AK7: variants seen among roughly 807,000 people sequenced by gnomAD.
AK7 encodes the protein ATP-AMP transphosphorylase 7.
A neutral mutation model predicts 96.6 loss-of-function variants in AK7; 78 were observed. The ratio of observed to expected loss-of-function variants is 0.81; its 90% CI spans 0.67 to 0.97. The LOEUF (loss-of-function observed/expected upper bound fraction) is 0.97, where lower values mean the gene tolerates loss of function less well. Ranked by LOEUF, AK7 falls within the 50% of genes least tolerant of loss-of-function variation. The pLI, the probability that AK7 is intolerant of heterozygous loss-of-function variation, is 0.00. For synonymous variants in AK7, 302 were observed against 317.2 expected, an observed-to-expected ratio of 0.95 and a Z score of 0.51; for missense variants, 855 against 887.9, an observed-to-expected ratio of 0.96 and a Z score of 0.47.
At chr14:96,435,780 C>T (rs1892604293) in intron 5 of AK7, among the ~76,000 whole-genome samples, 1 of 152,180 alleles carries the variant, frequency 6.6e-6, no homozygotes, top group African/African-American at 2.4e-5. Context: ...GCTGGGCTGG[C>T]ATCAGCTGAA....
intron 7 of AK7, among the ~76,000 whole-genome samples, chr14:96,444,367 C>T (rs145885123): frequency 6.6e-6 from 1 of 152,056 alleles, no homozygotes; most frequent in African/African-American, 2.4e-5. Flanking sequence ...TAACATATTA[C>T]GTCCAAACAT....
chr14:96,441,106 T>C (rs1488087409), intron 6 of AK7, among the ~76,000 whole-genome samples: 4 of 152,188 alleles, frequency 2.6e-5, no homozygotes, highest in East Asian at 3.9e-4. Context: ...TAGTCACTTA[T>C]GCATTTATCT....
At chr14:96,443,909 G>A (rs1444124866) in intron 7 of AK7, among the ~76,000 whole-genome samples, 1 of 151,636 alleles carries the variant, frequency 6.6e-6, no homozygotes, top group Non-Finnish European at 1.5e-5. Context: ...AAGTAGCTGG[G>A]ACTACAGGCA....
chr14:96,451,026 G>C (rs1294026032), intron 9 of AK7, among the ~76,000 whole-genome samples: 1 of 148,748 alleles, frequency 6.7e-6, no homozygotes, highest in African/African-American at 2.6e-5. Flanking sequence ...TGCCCGCCTT[G>C]GTCTCCCAAA....
intron 7 of AK7, among the ~76,000 whole-genome samples, chr14:96,444,938 G>A (rs1475852747): frequency 2.0e-5 from 3 of 152,082 alleles, no homozygotes; most frequent in African/African-American, 4.8e-5. Flanking sequence ...GGCTGGTCTC[G>A]AACTCCTGAT....
At chr14:96,402,757 A>G (rs1471913745) in intron 2 of AK7, among the ~76,000 whole-genome samples, 1 of 151,790 alleles carries the variant, frequency 6.6e-6, no homozygotes, top group Non-Finnish European at 1.5e-5. Flanking sequence ...CCCAAGAGAT[A>G]TATTGAAATC....
chr14:96,422,352 G>A (rs746758401), intron 5 of AK7, among the ~76,000 whole-genome samples: 1 of 152,186 alleles, frequency 6.6e-6, no homozygotes, highest in African/African-American at 2.4e-5. Context: ...GCCAAAGCTG[G>A]TTACAAACAA....
intron 17 of AK7, among the ~76,000 whole-genome samples, 184 bp downstream of exon 17, chr14:96,487,240 C>A: frequency 6.7e-6 from 1 of 149,106 alleles, no homozygotes; most frequent in Non-Finnish European, 1.5e-5. Context: ...AAAAAATTAG[C>A]TGGGTGTGGT....
Position 96,487,104 on chromosome 14 carries a change from G to A in AK7, c.2133+48G>A, listed in dbSNP as rs780049570. ...AAAGATCAATTTGAGTTTGGGTGTGGCGGCTTACACCTGTAATCCCAGCAC... is the reference window on the plus strand; with the variant it reads ...AAAGATCAATTTGAGTTTGGGTGTGACGGCTTACACCTGTAATCCCAGCAC... On this transcript the variant is annotated intron_variant, in intron 17 of 17. Transcript: ENST00000267584. 11 of 1,595,774 alleles carry A rather than the reference G, an allele frequency of 6.9e-6. No individual in the cohort carries two copies. The Admixed American group carries it at 1.8e-4, about 27-fold the overall frequency.
intron 5 of AK7, chr14:96,423,637 T>C: frequency 1.7e-6 from 1 of 592,772 alleles, no homozygotes; most frequent in Non-Finnish European, 3.2e-6. Context: ...CATGCAGCAC[T>C]GAACTGGAGA....
intron 5 of AK7, among the ~76,000 whole-genome samples, chr14:96,429,328 T>G (rs1892209518): frequency 6.6e-6 from 1 of 152,218 alleles, no homozygotes; most frequent in Non-Finnish European, 1.5e-5. Flanking sequence ...TATATATCTG[T>G]TTTGGTACCA....
intron 15 of AK7, among the ~76,000 whole-genome samples, chr14:96,480,968 C>T (rs1431353039): frequency 6.6e-6 from 1 of 152,224 alleles, no homozygotes; most frequent in Non-Finnish European, 1.5e-5. Flanking sequence ...CTCTCATCAG[C>T]TCTGGACTCT....
chr14:96,463,084 C>A (rs1430124063), intron 12 of AK7, among the ~76,000 whole-genome samples: 1 of 152,012 alleles, frequency 6.6e-6, no homozygotes, highest in African/African-American at 2.4e-5. Context: ...TTGCAGTGAG[C>A]TGAGATTGTG....
chr14:96,425,054 T>A (rs1044409863), intron 5 of AK7, among the ~76,000 whole-genome samples: 1 of 152,238 alleles, frequency 6.6e-6, no homozygotes, highest in South Asian at 2.1e-4. Flanking sequence ...TCTTACTCAC[T>A]CTTTTCTACA....
Position 96,456,433 on chromosome 14 carries a change from C to G in AK7, c.1185C>G (p.His395Gln). Residue 395 changes from histidine (H) to glutamine (Q), a missense_variant, in exon 11 of 18, where the codon CAC becomes CAG. His to Gln is a conservative substitution (Grantham distance 24). Coordinates refer to ENST00000267584, the MANE Select transcript of AK7 (RefSeq NM_152327.5). Reference protein sequence around the residue: ...KELANYYKLHHIQLKDVISEA... With the variant: ...KELANYYKLHQIQLKDVISEA... ...TGGCCAACTACTACAAACTGCATCA[C>G]ATCCAACTGAAGGATGTCATTTCTG... The G allele has an allele frequency of 6.2e-7, 1 of 1,613,946 alleles. No individual in the cohort carries two copies. Among genetic ancestry groups the G allele is most frequent in the Non-Finnish European group, 8.5e-7 (1 of 1,179,888 alleles).
intron 15 of AK7, 30 bp from the exon 16 acceptor site, chr14:96,482,969 A>T: frequency 6.2e-7 from 1 of 1,607,830 alleles, no homozygotes; most frequent in Non-Finnish European, 8.5e-7. Context: ...GAATATAAGT[A>T]TGTGTTGATC....
intron 2 of AK7, among the ~76,000 whole-genome samples, chr14:96,402,350 G>A (rs1476957384): frequency 6.6e-6 from 1 of 152,180 alleles, no homozygotes; most frequent in Non-Finnish European, 1.5e-5. Flanking sequence ...ATCGGGTCAG[G>A]ACAACCATTC....
chr14:96,471,756 T>C (rs570525429), intron 13 of AK7, 150 bp downstream of exon 13: 1 of 627,420 alleles, frequency 1.6e-6, no homozygotes, highest in African/African-American at 1.9e-5. Context: ...CGTAGCTTTT[T>C]TTTTTCTTTT....
At chr14:96,464,544 CAAAAAAAAAAA>C (rs375649324) in intron 12 of AK7, among the ~76,000 whole-genome samples, 1 of 57,662 alleles carries the variant, frequency 1.7e-5, no homozygotes, top group Non-Finnish European at 2.9e-5. Context: ...GACCCTGTCC[CAAAAAAAAAAA>C]AAAAAAAAAA....
Sources: gnomAD v4.1 joint callset for allele counts (sites outside exome capture counted in the v4.1 genomes callset) on GRCh38, gnomAD v4.1.1 for gene constraint, MANE v1.5 for transcripts, NCBI Gene and HGNC (gene_info 2026-07-23, HGNC 2026-07-21) for gene names.